Variants in MEIS2 observed in about 807,000 individuals in gnomAD.
MEIS2 encodes homeobox protein Meis2.
In MEIS2, 9 loss-of-function variants were observed where a neutral mutation model predicts 58.6. That is an observed-to-expected ratio of 0.15 (90% CI 0.09 to 0.27). The LOEUF is 0.27. MEIS2 is among the 10% of genes least tolerant of loss of function. The probability of loss-of-function intolerance (pLI) is 1.00; values close to 1 mark genes in which losing one functional copy is unlikely to be tolerated. For missense variants in MEIS2, 427 were observed against 635.0 expected, an observed-to-expected ratio of 0.67 and a Z score of 3.52; for synonymous variants, 221 against 228.4, an observed-to-expected ratio of 0.97 and a Z score of 0.29.
rs2056421346 is a variant in MEIS2, at chr15:36,900,660, C to T, written c.978-3974G>A. Reference sequence around the variant, plus strand: ...ATATCACTGTAATCTCATCTTACTGCCTTGCTGAAGAGCTATTTCCCAGAG... The same window carrying T: ...ATATCACTGTAATCTCATCTTACTGTCTTGCTGAAGAGCTATTTCCCAGAG... On this transcript the variant is annotated intron_variant, in intron 9 of 11. Coordinates refer to ENST00000561208, the MANE Select transcript of MEIS2 (RefSeq NM_170675.5). Among the ~76,000 whole-genome samples, 4 of 152,150 alleles carry T rather than the reference C, an allele frequency of 2.6e-5. No homozygotes were observed. In the South Asian group the frequency reaches 8.3e-4, roughly 32 times the overall value.
intron 9 of MEIS2, among the ~76,000 whole-genome samples, chr15:36,920,304 C>A (rs1181043038): frequency 6.6e-6 from 1 of 152,138 alleles, no homozygotes; most frequent in East Asian, 1.9e-4. Flanking sequence ...CATGCGCCAC[C>A]ACGCCCGGCT....
intron 9 of MEIS2, among the ~76,000 whole-genome samples, chr15:36,932,691 TTCTG>T (rs989926583): frequency 2.0e-5 from 3 of 149,792 alleles, no homozygotes; most frequent in South Asian, 2.1e-4. Flanking sequence ...TCTGTCTGTC[TTCTG>T]TCTGTCTATA....
chr15:37,022,912 C>G (rs558831998), intron 8 of MEIS2, among the ~76,000 whole-genome samples: 1 of 152,306 alleles, frequency 6.6e-6, no homozygotes, highest in African/African-American at 2.4e-5. Flanking sequence ...TCCTCGGCCT[C>G]CCAAAGTGCT....
chr15:37,097,235 C>G (rs904011541), intron 2 of MEIS2: 1 of 152,290 alleles, frequency 6.6e-6, no homozygotes, highest in African/African-American at 2.4e-5. Context: ...ACCCACTGTC[C>G]CCTCCCCTCG....
intron 9 of MEIS2, among the ~76,000 whole-genome samples, chr15:36,939,502 G>A (rs2058299819): frequency 6.6e-6 from 1 of 151,824 alleles, no homozygotes; most frequent in Non-Finnish European, 1.5e-5. Context: ...GTTGCTATTG[G>A]GCTATGGAAG....
intron 8 of MEIS2, among the ~76,000 whole-genome samples, chr15:36,996,104 T>G (rs2141579661): frequency 6.7e-6 from 1 of 150,184 alleles, no homozygotes; most frequent in East Asian, 2.0e-4. Flanking sequence ...TGAATAATTA[T>G]GCTACTTAGG....
At chr15:37,092,958 G>A (rs2140086873) in intron 6 of MEIS2, among the ~76,000 whole-genome samples, 1 of 151,704 alleles carries the variant, frequency 6.6e-6, no homozygotes, top group South Asian at 2.1e-4. Context: ...GTTAATAATT[G>A]GTTCATCAAG....
At chr15:37,096,475 G>A in intron 2 of MEIS2, 45 bp from the exon 3 acceptor site, 1 of 1,595,004 alleles carries the variant, frequency 6.3e-7, no homozygotes, top group Non-Finnish European at 8.6e-7. Flanking sequence ...GAGACGGGGT[G>A]CAGAGGGGAA....
Position 36,929,288 on chromosome 15 carries a change from C to T in MEIS2, c.977+21036G>A, listed in dbSNP as rs2198024. On this transcript the variant is annotated intron_variant, in intron 9 of 11. Transcript: ENST00000561208. ...TAAGATGAAGGAAGAAGTGGAGGAACCAGAAAGGAAAGAGCTCCCTTCCAA... is the reference window on the plus strand; with the variant it reads ...TAAGATGAAGGAAGAAGTGGAGGAATCAGAAAGGAAAGAGCTCCCTTCCAA... 8.4e-3 allele frequency among the ~76,000 whole-genome samples: 1,284 copies of T among 152,300 alleles called. 24 individuals carry two copies. Among genetic ancestry groups the T allele is most frequent in the African/African-American group, 0.029 (1,202 of 41,562 alleles).
chr15:37,089,433 T>C (rs1333178742), intron 6 of MEIS2, among the ~76,000 whole-genome samples: 1 of 152,072 alleles, frequency 6.6e-6, no homozygotes, highest in African/African-American at 2.4e-5. Context: ...CTCTCTGACC[T>C]AACCCATTTG....
chr15:36,932,591 G>T (rs2058022995), intron 9 of MEIS2, among the ~76,000 whole-genome samples: 1 of 151,982 alleles, frequency 6.6e-6, no homozygotes, highest in African/African-American at 2.4e-5. Flanking sequence ...TTGTTCATTT[G>T]TTTTTGGATT....
chr15:37,015,505 G>A (rs181235335), intron 8 of MEIS2, among the ~76,000 whole-genome samples: 23 of 150,170 alleles, frequency 1.5e-4, no homozygotes, highest in South Asian at 1.1e-3. Flanking sequence ...TAAGGCCACC[G>A]ATCACTGTAT....
At chr15:36,940,066 A>C (rs1382549365) in intron 9 of MEIS2, among the ~76,000 whole-genome samples, 2 of 152,208 alleles carry the variant, frequency 1.3e-5, no homozygotes, top group Non-Finnish European at 2.9e-5. Context: ...TGTTACCCTA[A>C]GTAGGAGCTA....
At chr15:36,924,101 A>G (rs1460143639) in intron 9 of MEIS2, among the ~76,000 whole-genome samples, 1 of 152,224 alleles carries the variant, frequency 6.6e-6, no homozygotes, top group Admixed American at 6.5e-5. Context: ...ACAAATGCCC[A>G]TGTTTTATGT....
At chr15:36,915,089 T>C (rs1205806854) in intron 9 of MEIS2, among the ~76,000 whole-genome samples, 1 of 152,130 alleles carries the variant, frequency 6.6e-6, no homozygotes, top group Non-Finnish European at 1.5e-5. Context: ...AGCTTCTCCG[T>C]GACTGGTGCA....
intron 9 of MEIS2, among the ~76,000 whole-genome samples, chr15:36,901,975 C>T (rs2141240597): frequency 6.6e-6 from 1 of 152,338 alleles, no homozygotes; most frequent in East Asian, 1.9e-4. Context: ...AGAGCATGGG[C>T]TCATGTCCTC....
At chr15:37,001,964 G>T (rs1173634663) in intron 8 of MEIS2, among the ~76,000 whole-genome samples, 1 of 152,094 alleles carries the variant, frequency 6.6e-6, no homozygotes, top group Non-Finnish European at 1.5e-5. Flanking sequence ...CAAAAGCCTT[G>T]TAATGAGTAT....
At chr15:37,099,051 G>A in intron 1 of MEIS2, 2 of 984,002 alleles carry the variant, frequency 2.0e-6, no homozygotes, top group Non-Finnish European at 2.4e-6. Context: ...CGCAGCCCGT[G>A]CCCGCCCCGA....
At chr15:37,049,471 T>G (rs1567226709) in intron 7 of MEIS2, among the ~76,000 whole-genome samples, 1 of 151,290 alleles carries the variant, frequency 6.6e-6, no homozygotes, top group Non-Finnish European at 1.5e-5. Flanking sequence ...TGGTTTTGTT[T>G]TTTTTGTTTT....
Sources: gnomAD v4.1 joint callset for allele counts (sites outside exome capture counted in the v4.1 genomes callset) on GRCh38, gnomAD v4.1.1 for gene constraint, MANE v1.5 for transcripts, NCBI Gene and HGNC (gene_info 2026-07-23, HGNC 2026-07-21) for gene names.